The following CCSER1 variants were observed in gnomAD, a reference collection of about 807,000 sequenced individuals.
CCSER1 encodes coiled-coil serine rich protein 1.
CCSER1 carries 41 observed loss-of-function variants against 82.0 expected under a neutral mutation model. The observed-to-expected ratio is 0.50, with a 90% CI of 0.39 to 0.65. The LOEUF is 0.65. Ranked by LOEUF, CCSER1 falls within the 30% of genes least tolerant of loss-of-function variation. The pLI is 0.00. For synonymous variants in CCSER1, 414 were observed against 383.9 expected, an observed-to-expected ratio of 1.08 and a Z score of -0.92; for missense variants, 1,119 against 1,064.2, an observed-to-expected ratio of 1.05 and a Z score of -0.72.
At chr4:91,177,020 T>C (rs1031234193) in intron 10 of CCSER1, among the ~76,000 whole-genome samples, 5 of 152,224 alleles carry the variant, frequency 3.3e-5, no homozygotes, top group Non-Finnish European at 5.9e-5. Flanking sequence ...TGAGAGTTTT[T>C]AGCATGAAGG....
chr4:91,570,625 A>G (rs1456251443), intron 10 of CCSER1, among the ~76,000 whole-genome samples: 1 of 152,178 alleles, frequency 6.6e-6, no homozygotes, highest in African/African-American at 2.4e-5. Context: ...CCAAGGCTGA[A>G]GCTGAAGCAG....
rs369056898 is a variant in CCSER1, at chr4:91,273,969, C to T, written c.2217+187975C>T. Among the ~76,000 whole-genome samples, 9 of 152,052 alleles carry T rather than the reference C, an allele frequency of 5.9e-5. No homozygotes were observed. The East Asian group carries it at 1.5e-3, about 26-fold the overall frequency. On this transcript the variant is annotated intron_variant, in intron 10 of 10. Transcript: ENST00000509176. ...GGTAATATCTGATTATTTGTCACTC[C>T]AACACAAGTATCACTTGGAAAAAAA... is the stretch of plus-strand genomic sequence containing the variant.
intron 10 of CCSER1, among the ~76,000 whole-genome samples, chr4:91,427,419 G>A (rs1305437542): frequency 1.3e-5 from 2 of 152,046 alleles, no homozygotes; most frequent in Non-Finnish European, 1.5e-5. Context: ...TTACAAACTT[G>A]TACGATCATG....
At chr4:90,242,873 T>C (rs1343074445) in intron 1 of CCSER1, among the ~76,000 whole-genome samples, 5 of 152,124 alleles carry the variant, frequency 3.3e-5, no homozygotes, top group Admixed American at 1.3e-4. Context: ...TGAACAGAGA[T>C]ACAAATCTTA....
At chr4:90,545,659 A>T (rs1776666535) in intron 5 of CCSER1, among the ~76,000 whole-genome samples, 2 of 152,032 alleles carry the variant, frequency 1.3e-5, no homozygotes, top group Non-Finnish European at 2.9e-5. Context: ...CCCTTTAGAT[A>T]CTTTCATGGA....
chr4:90,973,856 A>G (rs1190304107), intron 9 of CCSER1, among the ~76,000 whole-genome samples: 1 of 151,422 alleles, frequency 6.6e-6, no homozygotes, highest in African/African-American at 2.4e-5. Context: ...CTCCAGTGGC[A>G]TATCATTCAG....
At chr4:91,085,902 TTTAA>T (rs1435655024) in intron 9 of CCSER1, 44 bp from the exon 10 acceptor site, 5 of 1,051,642 alleles carry the variant, frequency 4.8e-6, no homozygotes, top group Non-Finnish European at 7.1e-6. Flanking sequence ...TGAATTATTA[TTTAA>T]TTCTTCGTTG....
chr4:90,180,951 GTTAT>G (rs1434339961), intron 1 of CCSER1, among the ~76,000 whole-genome samples: 3 of 152,110 alleles, frequency 2.0e-5, no homozygotes, highest in Non-Finnish European at 2.9e-5. Context: ...GCTTATGCAA[GTTAT>G]TTAGACTCTT....
chr4:91,306,326 C>G (rs979224225), intron 10 of CCSER1, among the ~76,000 whole-genome samples: 17 of 151,768 alleles, frequency 1.1e-4, no homozygotes, highest in African/African-American at 4.1e-4. Context: ...ACTTAAATTG[C>G]TTTAGCTTTT....
chr4:90,642,403 T>C (rs1351012589), intron 6 of CCSER1: 1 of 152,344 alleles, frequency 6.6e-6, no homozygotes, highest in Non-Finnish European at 1.5e-5. Flanking sequence ...TAGTGACTCG[T>C]TTAGCTGGAA....
intron 7 of CCSER1, among the ~76,000 whole-genome samples, chr4:90,794,644 G>A (rs1755735787): frequency 6.6e-6 from 1 of 152,048 alleles, no homozygotes; most frequent in African/African-American, 2.4e-5. Flanking sequence ...TGATATTCAG[G>A]CGTTCTTTTT....
intron 8 of CCSER1, among the ~76,000 whole-genome samples, chr4:90,855,940 C>T (rs1178692306): frequency 6.6e-6 from 1 of 152,002 alleles, no homozygotes; most frequent in Non-Finnish European, 1.5e-5. Context: ...ATTCATTGAA[C>T]ATTTTTTTTC....
At chr4:90,501,709 T>C (rs571167229) in intron 5 of CCSER1, among the ~76,000 whole-genome samples, 13 of 152,286 alleles carry the variant, frequency 8.5e-5, no homozygotes, top group African/African-American at 2.9e-4. Context: ...GTGGAAAACA[T>C]TGGAAATTTA....
chr4:91,277,897 C>T (rs974064750), intron 10 of CCSER1, among the ~76,000 whole-genome samples: 1 of 151,836 alleles, frequency 6.6e-6, no homozygotes, highest in African/African-American at 2.4e-5. Flanking sequence ...TTCATCTTTT[C>T]AATAAATTAT....
chr4:90,757,246 A>C (rs1172871787), intron 7 of CCSER1, among the ~76,000 whole-genome samples: 1 of 152,216 alleles, frequency 6.6e-6, no homozygotes, highest in Non-Finnish European at 1.5e-5. Context: ...CAATTAGCTG[A>C]GAAAAGGAGT....
intron 8 of CCSER1, among the ~76,000 whole-genome samples, chr4:90,888,153 T>C (rs764111346): frequency 1.3e-5 from 2 of 152,198 alleles, no homozygotes; most frequent in Admixed American, 6.5e-5. Flanking sequence ...GTATTTTCTT[T>C]ATTATCTTGA....
chr4:90,160,349 T>C (rs939073866), intron 1 of CCSER1, among the ~76,000 whole-genome samples: 2 of 152,162 alleles, frequency 1.3e-5, no homozygotes, highest in African/African-American at 4.8e-5. Flanking sequence ...GTGTTTGGGC[T>C]CTGTTTATGA....
chr4:91,291,422 A>G (rs1258420333), intron 10 of CCSER1, among the ~76,000 whole-genome samples: 1 of 152,032 alleles, frequency 6.6e-6, no homozygotes, highest in Non-Finnish European at 1.5e-5. Flanking sequence ...TGGGGAATTT[A>G]TAAAGAAAAG....
chr4:90,226,907 T>A (rs1213752725), intron 1 of CCSER1, among the ~76,000 whole-genome samples: 1 of 152,196 alleles, frequency 6.6e-6, no homozygotes, highest in Non-Finnish European at 1.5e-5. Flanking sequence ...GACCATTTCT[T>A]CCAATGTAGG....
Sources: gnomAD v4.1 joint callset for allele counts (sites outside exome capture counted in the v4.1 genomes callset) on GRCh38, gnomAD v4.1.1 for gene constraint, MANE v1.5 for transcripts, NCBI Gene and HGNC (gene_info 2026-07-23, HGNC 2026-07-21) for gene names.